Variants in SDR42E2 observed in about 807,000 individuals in gnomAD.
SDR42E2 encodes the protein short chain dehydrogenase/reductase family 42E, member 2.
SDR42E2 carries 20 observed loss-of-function variants against 10.5 expected under a neutral mutation model. The observed-to-expected ratio is 1.90, with a 90% CI of 1.34 to 2.77. The LOEUF (loss-of-function observed/expected upper bound fraction) is 2.77. Among genes scored for constraint, SDR42E2 ranks in the 30% most tolerant of loss-of-function variants. SDR42E2 has a pLI of 0.00. For missense variants in SDR42E2, 162 were observed against 104.2 expected (o/e 1.55, Z -2.42); for synonymous variants, 72 against 39.2 (o/e 1.84, Z -3.12).
intron 11 of SDR42E2, among the ~76,000 whole-genome samples, chr16:22,184,592 A>G (rs953541458): frequency 9.2e-5 from 14 of 152,080 alleles, no homozygotes; most frequent in Non-Finnish European, 1.8e-4. Flanking sequence ...ACAGAGTGAG[A>G]CTCTGTCTCA....
chr16:22,172,887 C>T (rs1012535048), intron 7 of SDR42E2, among the ~76,000 whole-genome samples: 2 of 152,138 alleles, frequency 1.3e-5, no homozygotes, highest in African/African-American at 4.8e-5. Context: ...CTTAAGTAAT[C>T]CTCCTGCCTC....
rs78258249 is a variant in SDR42E2, at chr16:22,163,263, A to T, written c.-37+699A>T. ...ACAAAAGGCATCCTCTTAGGGTAGA[A>T]AGTCAGCTCTGGTCCCATAGACCCT... On this transcript the variant is annotated intron_variant, in intron 1 of 12. Coordinates refer to ENST00000602312, the MANE Select transcript of SDR42E2 (RefSeq NM_001394319.2). 1.1e-4 allele frequency among the ~76,000 whole-genome samples: 16 copies of T among 152,208 alleles called. No individual in the cohort carries two copies. The East Asian group carries it at 3.1e-3, about 29-fold the overall frequency.
chr16:22,187,776 C>T lies in SDR42E2; in HGVS notation c.1014+982C>T, dbSNP rs189032672. 4.6e-4 allele frequency among the ~76,000 whole-genome samples: 70 copies of T among 152,050 alleles called. 1 individual carries two copies. The highest frequency in any genetic ancestry group is 3.4e-3 in the Admixed American group (52 of 15,248). ...CACAGATTGTAAATAGCAAAGTAATCGGTGGTATTTGAGGTTATTTGCAAA... is the reference window on the plus strand; with the variant it reads ...CACAGATTGTAAATAGCAAAGTAATTGGTGGTATTTGAGGTTATTTGCAAA... On this transcript the variant is annotated intron_variant, in intron 12 of 12. Coordinates refer to ENST00000602312, the MANE Select transcript of SDR42E2 (RefSeq NM_001394319.2).
chr16:22,170,455 C>T (rs1251969606), intron 5 of SDR42E2, among the ~76,000 whole-genome samples: 1 of 152,188 alleles, frequency 6.6e-6, no homozygotes, highest in East Asian at 1.9e-4. Flanking sequence ...CATGTCCTGC[C>T]TTATCCCGTA....
chr16:22,162,612 G>A (rs1447439584), intron 1 of SDR42E2, among the ~76,000 whole-genome samples, 48 bp downstream of exon 1: 1 of 152,172 alleles, frequency 6.6e-6, no homozygotes, highest in Non-Finnish European at 1.5e-5. Flanking sequence ...GGTGCTGGAG[G>A]GACAGGGAGG....
At chr16:22,179,828 A>G (rs1003490878) in intron 8 of SDR42E2, among the ~76,000 whole-genome samples, 7 of 151,560 alleles carry the variant, frequency 4.6e-5, no homozygotes, top group Non-Finnish European at 7.4e-5. Context: ...AAAAAAAAAA[A>G]AAGAAGATTC....
At chr16:22,179,183 C>T (rs1318488911) in intron 8 of SDR42E2, among the ~76,000 whole-genome samples, 1 of 152,066 alleles carries the variant, frequency 6.6e-6, no homozygotes, top group Non-Finnish European at 1.5e-5. Flanking sequence ...GAGATAGGGT[C>T]TCCTTATGTT....
At chr16:22,175,044 T>C (rs2046633035) in intron 7 of SDR42E2, among the ~76,000 whole-genome samples, 1 of 152,178 alleles carries the variant, frequency 6.6e-6, no homozygotes, top group South Asian at 2.1e-4. Context: ...AGCAGAGTCC[T>C]GAGGCGTGCA....
chr16:22,185,733 A>G (rs988653175), intron 11 of SDR42E2, among the ~76,000 whole-genome samples: 1 of 152,084 alleles, frequency 6.6e-6, no homozygotes, highest in Admixed American at 6.6e-5. Context: ...CAGCCTCTCA[A>G]GCCTCTAGGA....
intron 6 of SDR42E2, among the ~76,000 whole-genome samples, chr16:22,171,709 T>G (rs1255556348): frequency 6.6e-6 from 1 of 152,098 alleles, no homozygotes; most frequent in Non-Finnish European, 1.5e-5. Flanking sequence ...ATTTTTGTAT[T>G]TTTAGTGGAT....
intron 10 of SDR42E2, 27 bp from the exon 11 acceptor site, chr16:22,184,154 C>A: frequency 2.5e-6 from 1 of 401,088 alleles, no homozygotes; most frequent in South Asian, 1.3e-4. Context: ...ACCACTTGTT[C>A]TCACTCCAGG....
Position 22,190,173 on chromosome 16 carries a change from T to C in SDR42E2, c.1049T>C (p.Ile350Thr). ...GTGGCCGTGACGCACACCTTCCAGA[T>C]AGCCAAGGCCCGCGCCCAGCTCGGC... Reference protein sequence around the residue: ...RSVAVTHTFQIAKARAQLGYA... With the variant: ...RSVAVTHTFQTAKARAQLGYA... The change falls in exon 13 of 13, where the codon ATA (isoleucine) becomes ACA (threonine). Residue 350 changes from isoleucine to threonine, a missense_variant. Coordinates refer to ENST00000602312, the MANE Select transcript of SDR42E2 (RefSeq NM_001394319.2). 5.0e-6 allele frequency: 2 copies of C among 401,096 alleles called. No individual in the cohort carries two copies. The highest frequency in any genetic ancestry group is 8.8e-6 in the Non-Finnish European group (2 of 226,142). The allele number at this position is 401,096 out of a possible 1,614,324, so 24.8% of individuals were successfully genotyped here. A position where few individuals can be genotyped will look rare whatever the true frequency, so the allele number is the denominator to read the frequency against.
At chr16:22,163,599 C>T (rs778878533) in intron 1 of SDR42E2, among the ~76,000 whole-genome samples, 11 of 151,860 alleles carry the variant, frequency 7.2e-5, no homozygotes, top group Non-Finnish European at 1.2e-4. Context: ...CCCAGCTACT[C>T]GGGAGGCTGA....
At chr16:22,185,385 G>A (rs1222329860) in intron 11 of SDR42E2, among the ~76,000 whole-genome samples, 1 of 152,282 alleles carries the variant, frequency 6.6e-6, no homozygotes, top group East Asian at 1.9e-4. Flanking sequence ...GCACAGCATT[G>A]CCGCAGTGAT....
chr16:22,183,186 G>A (rs895328532), intron 10 of SDR42E2, among the ~76,000 whole-genome samples: 5 of 151,852 alleles, frequency 3.3e-5, no homozygotes, highest in South Asian at 2.1e-4. Flanking sequence ...GCAGTGGTGC[G>A]ATCTCAGCTC....
intron 1 of SDR42E2, among the ~76,000 whole-genome samples, chr16:22,163,896 A>G (rs1366386149): frequency 6.6e-6 from 1 of 152,070 alleles, no homozygotes; most frequent in African/African-American, 2.4e-5. Flanking sequence ...TCACTCAACA[A>G]ATACCCGTTC....
intron 11 of SDR42E2, among the ~76,000 whole-genome samples, chr16:22,186,438 C>G (rs983556629): frequency 6.6e-6 from 1 of 152,070 alleles, no homozygotes; most frequent in Non-Finnish European, 1.5e-5. Context: ...AACTCCTGAT[C>G]TCAGGCAATC....
At chr16:22,173,085 T>C (rs1169776114) in intron 7 of SDR42E2, among the ~76,000 whole-genome samples, 1 of 152,210 alleles carries the variant, frequency 6.6e-6, no homozygotes. Context: ...TGGCCTTGGC[T>C]GCCTTTTTAT....
chr16:22,171,073 C>A, intron 6 of SDR42E2, 122 bp downstream of exon 6: 2 of 658,964 alleles, frequency 3.0e-6, no homozygotes, highest in South Asian at 1.6e-5. Context: ...CAGGAAGGGG[C>A]TCCCAAAACT....
Sources: gnomAD v4.1 joint callset for allele counts (sites outside exome capture counted in the v4.1 genomes callset) on GRCh38, gnomAD v4.1.1 for gene constraint, MANE v1.5 for transcripts, NCBI Gene and HGNC (gene_info 2026-07-23, HGNC 2026-07-21) for gene names.